The following SRFBP1 variants were observed in gnomAD, a reference collection of about 807,000 sequenced individuals.
The protein encoded by SRFBP1 is serum response factor-binding protein 1.
Under a neutral mutation model 45.5 loss-of-function variants are expected in SRFBP1, and 47 were observed. The observed-to-expected ratio is 1.03, with a 90% CI of 0.82 to 1.32. SRFBP1 has a LOEUF of 1.32. SRFBP1 is among the 40% of genes most tolerant of loss of function. The pLI is 0.00. For synonymous variants in SRFBP1, 203 were observed against 166.3 expected, an observed-to-expected ratio of 1.22 and a Z score of -1.70; for missense variants, 621 against 484.6, an observed-to-expected ratio of 1.28 and a Z score of -2.64.
intron 2 of SRFBP1, among the ~76,000 whole-genome samples, chr5:122,068,944 G>A (rs1338166880): frequency 6.6e-6 from 1 of 151,866 alleles, no homozygotes. Flanking sequence ...GTGGGGGTCG[G>A]GGGTTGGTTC....
intron 2 of SRFBP1, among the ~76,000 whole-genome samples, chr5:122,061,534 C>A (rs1050107035): frequency 6.6e-6 from 1 of 151,812 alleles, no homozygotes; most frequent in African/African-American, 2.4e-5. Context: ...TTTTCTCTGC[C>A]CACAATGGGA....
At position 122,070,619 on chromosome 5, in the gene SRFBP1, T is replaced by C. The variant is rs372685934; in HGVS notation, n.312-4696T>C. The C allele has an allele frequency of 3.6e-5, 43 of 1,194,904 alleles. No homozygotes were observed. The African/African-American group carries it at 5.8e-4, about 16-fold the overall frequency. 74.0% of individuals were successfully genotyped at this position (1,194,904 alleles called of 1,614,324 possible). A position where few individuals can be genotyped will look rare whatever the true frequency, so the allele number is the denominator to read the frequency against. ...GATAAACAAAATAAAAAATTTAAAA[T>C]TATGGTATGTGGTCAGACTATGATA... is the stretch of plus-strand genomic sequence containing the variant. On this transcript the variant is annotated intron_variant and non_coding_transcript_variant, in intron 2 of 2. Coordinates refer to the SRFBP1 transcript ENST00000504881.
At chr5:122,026,825 T>C (rs1753490885) in intron 7 of SRFBP1, 117 bp from the exon 8 acceptor site, 1 of 687,878 alleles carries the variant, frequency 1.5e-6, no homozygotes. Context: ...TTGTGAAATA[T>C]TCCATTTAAG....
Position 121,962,025 on chromosome 5 carries a change from C to T in SRFBP1, c.-8C>T, listed in dbSNP as rs1751953293. ...CAGGCAGCGGCGGATCATATTCCTT[C>T]ATCTACCATGGCTCAGCCGGGAACT... On this transcript the variant is annotated 5_prime_UTR_variant, in exon 1 of 8. Coordinates refer to ENST00000339397, the MANE Select transcript of SRFBP1 (RefSeq NM_152546.3). The T allele has an allele frequency of 1.9e-6, 3 of 1,613,948 alleles. No individual in the cohort carries two copies. Among genetic ancestry groups the T allele is most frequent in the African/African-American group, 1.3e-5 (1 of 74,902 alleles).
At chr5:121,993,131 C>A (rs1445988288) in intron 3 of SRFBP1, among the ~76,000 whole-genome samples, 1 of 152,126 alleles carries the variant, frequency 6.6e-6, no homozygotes, top group Non-Finnish European at 1.5e-5. Context: ...TTCATATCAA[C>A]TTCACTTTCT....
At chr5:121,995,807 A>G (rs1404831509) in intron 4 of SRFBP1, among the ~76,000 whole-genome samples, 6 of 151,448 alleles carry the variant, frequency 4.0e-5, no homozygotes, top group African/African-American at 7.3e-5. Context: ...TCAAATAGAC[A>G]CAATAAAAAA....
chr5:122,003,555 T>TG (rs1752917711), intron 4 of SRFBP1, among the ~76,000 whole-genome samples: 1 of 152,184 alleles, frequency 6.6e-6, no homozygotes, highest in Admixed American at 6.5e-5. Context: ...TCCTTTCCTT[T>TG]GGATATATAC....
intron 2 of SRFBP1, among the ~76,000 whole-genome samples, chr5:122,057,539 C>T (rs570417923): frequency 2.0e-5 from 3 of 150,888 alleles, no homozygotes; most frequent in Non-Finnish European, 4.4e-5. Flanking sequence ...TTTGCCCAGG[C>T]TGGTCTCAAA....
intron 4 of SRFBP1, among the ~76,000 whole-genome samples, chr5:121,995,827 G>A (rs1364021215): frequency 1.3e-5 from 2 of 151,094 alleles, no homozygotes; most frequent in Non-Finnish European, 3.0e-5. Flanking sequence ...ATGATAAAGG[G>A]GATATCACCA....
At chr5:122,077,842 C>G, downstream of SRFBP1, 2 of 1,549,616 alleles carry the variant, frequency 1.3e-6, no homozygotes, top group Non-Finnish European at 1.7e-6. This position sits in a 1 kb window ranked among gnomAD's most constrained non-coding sequence, Gnocchi z 4.9. Context: ...CGTTGTTCTC[C>G]CATTGGATCT....
intron 2 of SRFBP1, among the ~76,000 whole-genome samples, chr5:122,066,981 G>A (rs1037725826): frequency 2.6e-5 from 4 of 152,078 alleles, no homozygotes; most frequent in African/African-American, 9.7e-5. Context: ...CACATTTAGA[G>A]GCAAAGAAAC....
At position 121,986,027 on chromosome 5, in the gene SRFBP1, T is replaced by C. The variant is rs534457763; in HGVS notation, c.199-8572T>C. On this transcript the variant is annotated intron_variant, in intron 3 of 7. Coordinates refer to ENST00000339397, the MANE Select transcript of SRFBP1 (RefSeq NM_152546.3). The stretch of plus-strand genomic sequence containing the variant: ...GTTCACATATATATGATATTTAAAA[T>C]AATGAAACTGGATGAAATCAGTGAG... 2.0e-5 allele frequency among the ~76,000 whole-genome samples: 3 copies of C among 151,944 alleles called. No individual in the cohort carries two copies. In the East Asian group the frequency reaches 5.8e-4, roughly 29 times the overall value.
intron 2 of SRFBP1, among the ~76,000 whole-genome samples, chr5:122,059,595 A>G (rs1754139950): frequency 1.3e-5 from 2 of 152,094 alleles, no homozygotes; most frequent in Non-Finnish European, 2.9e-5. Context: ...AGAGGGATGG[A>G]TATAGCTGAC....
At chr5:122,037,061 G>A (rs1474112130) in intron 2 of SRFBP1, among the ~76,000 whole-genome samples, 1 of 151,982 alleles carries the variant, frequency 6.6e-6, no homozygotes, top group Non-Finnish European at 1.5e-5. Context: ...ACCATGCCTG[G>A]CTAATTTTGT....
chr5:122,041,559 G>A (rs1030676680), intron 2 of SRFBP1, among the ~76,000 whole-genome samples: 28 of 118,582 alleles, frequency 2.4e-4, no homozygotes, highest in Middle Eastern at 4.2e-3. Context: ...TTTTCAAACA[G>A]AATATTTCAT....
At position 122,020,886 on chromosome 5, in the gene SRFBP1, C is replaced by G. The variant is rs2112708852; in HGVS notation, c.1067+84C>G. ...GTCTACTTGTCCATACATGAAGAGA[C>G]TATAATTCTAGTTTGTACAACCCAT... On this transcript the variant is annotated intron_variant, in intron 6 of 7. Transcript: ENST00000339397. The G allele has an allele frequency of 3.2e-6, 4 of 1,251,432 alleles. No individual in the cohort carries two copies. In the South Asian group the frequency reaches 7.0e-5, roughly 22 times the overall value. 77.5% of individuals were successfully genotyped at this position (1,251,432 alleles called of 1,614,324 possible). A position where few individuals can be genotyped will look rare whatever the true frequency, so the allele number is the denominator to read the frequency against.
At chr5:121,990,327 A>T (rs1479715322) in intron 3 of SRFBP1, among the ~76,000 whole-genome samples, 1 of 152,178 alleles carries the variant, frequency 6.6e-6, no homozygotes, top group South Asian at 2.1e-4. Context: ...AGGAAGAGAA[A>T]AGCAAGTACT....
In SRFBP1 at chr5:122,020,319, C is replaced by T; in HGVS notation, c.584C>T (p.Pro195Leu). 1 of 1,613,556 alleles carries T rather than the reference C, an allele frequency of 6.2e-7. No individual in the cohort carries two copies. The highest frequency in any genetic ancestry group is 8.5e-7 in the Non-Finnish European group (1 of 1,179,888). ...AAAATAGCAAAGATGGAACATGGAC[C>T]TAAAGCAGTGACTATTGCAAATTCT... The part of the protein sequence containing the change: ...KEKIAKMEHG[P>L]KAVTIANSPS... Residue 195 changes from proline to leucine, a missense_variant, in exon 6 of 8, where the codon CCT becomes CTT. Transcript: ENST00000339397.
chr5:122,003,758 G>T lies in SRFBP1; in HGVS notation c.270+9088G>T, dbSNP rs530402784. Among the ~76,000 whole-genome samples, 5 of 152,176 alleles carry T rather than the reference G, an allele frequency of 3.3e-5. No homozygotes were observed. The East Asian group carries it at 9.7e-4, about 29-fold the overall frequency. On this transcript the variant is annotated intron_variant, in intron 4 of 7. Coordinates refer to ENST00000339397, the MANE Select transcript of SRFBP1 (RefSeq NM_152546.3). ...GCTTTTTTGTAGTAGCCATTCTTATGGGTTAGAGGTGATATCTCGTTACGG... is the reference window on the plus strand; with the variant it reads ...GCTTTTTTGTAGTAGCCATTCTTATTGGTTAGAGGTGATATCTCGTTACGG...
Sources: allele counts gnomAD v4.1 joint callset (sites outside exome capture counted in the v4.1 genomes callset), GRCh38; gene constraint gnomAD v4.1.1; non-coding constraint Gnocchi (gnomAD v3.1); transcripts MANE v1.5; gene names NCBI Gene and HGNC (gene_info 2026-07-23, HGNC 2026-07-21).